The following HID1 variants were observed in gnomAD, a reference collection of about 807,000 sequenced individuals.
The protein encoded by HID1 is protein HID1.
Under a neutral mutation model 89.7 loss-of-function variants are expected in HID1, and 42 were observed. That is an observed-to-expected ratio of 0.47 (90% CI 0.37 to 0.61). The LOEUF (loss-of-function observed/expected upper bound fraction) is 0.61, where lower values mean the gene tolerates loss of function less well. HID1 is among the 20% of genes least tolerant of loss of function. The probability of loss-of-function intolerance (pLI) is 0.00; values close to 1 mark genes in which losing one functional copy is unlikely to be tolerated. For missense variants in HID1, 854 were observed against 1,039.3 expected (o/e 0.82, Z 2.45); for synonymous variants, 442 against 433.8 (o/e 1.02, Z -0.24).
chr17:74,954,245 T>C lies in HID1; in HGVS notation c.1757A>G (p.Glu586Gly). The part of the protein sequence containing the change: ...KALQRRRRTP[E>G]PLSRTGSQEG... ...CTGGGAGCCGGTGCGAGACAAGGGCTCAGGTGTCCGCCGGCGCCGCTGCAG... is the reference window on the plus strand; with the variant it reads ...CTGGGAGCCGGTGCGAGACAAGGGCCCAGGTGTCCGCCGGCGCCGCTGCAG... The change falls in exon 14 of 19, where the codon GAG becomes GGG. Residue 586 changes from glutamate to glycine, a missense_variant. By Grantham distance (98) the Glu-to-Gly change is moderately conservative (BLOSUM62 -2). Coordinates refer to ENST00000425042, the MANE Select transcript of HID1 (RefSeq NM_030630.3). 6.3e-7 allele frequency: 1 copy of C among 1,593,144 alleles called. No individual in the cohort carries two copies. The highest frequency in any genetic ancestry group is 8.5e-7 in the Non-Finnish European group (1 of 1,171,010).
At position 74,951,300 on chromosome 17, in the gene HID1, G is replaced by T; in HGVS notation, c.*270C>A. The T allele has an allele frequency of 1.8e-6, 1 of 545,646 alleles. No individual in the cohort carries two copies. Among genetic ancestry groups the T allele is most frequent in the Non-Finnish European group, 3.3e-6 (1 of 305,918 alleles). 33.8% of individuals were successfully genotyped at this position (545,646 alleles called of 1,614,324 possible). Reference sequence around the variant, plus strand: ...GGCCAGCACTGAGCCAGGTCTTAAAGAGGGAGTCCGAGTGTTGGGGGCAGT... The same window carrying T: ...GGCCAGCACTGAGCCAGGTCTTAAATAGGGAGTCCGAGTGTTGGGGGCAGT... On this transcript the variant is annotated 3_prime_UTR_variant, in exon 19 of 19. Transcript: ENST00000425042.
At chr17:74,965,532 C>A (rs919248418) in intron 1 of HID1, among the ~76,000 whole-genome samples, 2 of 152,234 alleles carry the variant, frequency 1.3e-5, no homozygotes, top group African/African-American at 2.4e-5. Context: ...CTTCTCTTGA[C>A]CTTCACCCAA....
Position 74,959,991 on chromosome 17 carries a change from C to T in HID1, c.951+35G>A. On this transcript the variant is annotated intron_variant, in intron 7 of 18. Coordinates refer to ENST00000425042, the MANE Select transcript of HID1 (RefSeq NM_030630.3). The surrounding 1 kb of genome is among the most constrained non-coding windows in gnomAD (Gnocchi z 4.6). ...AGGCGTCCTCCCCACAACCCGTGGCCCCGGCAGCTGTCCCTTCCATGCTCC... is the reference window on the plus strand; with the variant it reads ...AGGCGTCCTCCCCACAACCCGTGGCTCCGGCAGCTGTCCCTTCCATGCTCC... The T allele has an allele frequency of 6.2e-7, 1 of 1,613,252 alleles. No homozygotes were observed. Among genetic ancestry groups the T allele is most frequent in the Non-Finnish European group, 8.5e-7 (1 of 1,179,712 alleles).
In HID1 at chr17:74,962,150, A is replaced by G. The variant is rs569916246; in HGVS notation, c.611+84T>C. ...CATAGGTGAGGACGGTCTTCTGGGA[A>G]GACCCCATGGGCTTTCTGAGCTGTG... On this transcript the variant is annotated intron_variant, in intron 5 of 18. Transcript: ENST00000425042. This position sits in a 1 kb window ranked among gnomAD's most constrained non-coding sequence, Gnocchi z 4.3. 6 of 1,259,680 alleles carry G rather than the reference A, an allele frequency of 4.8e-6. No homozygotes were observed. In the African/African-American group the frequency reaches 6.0e-5, roughly 13 times the overall value. 78.0% of individuals were successfully genotyped at this position (1,259,680 alleles called of 1,614,324 possible).
chr17:74,969,897 G>A (rs959819817), intron 1 of HID1, among the ~76,000 whole-genome samples: 4 of 150,548 alleles, frequency 2.7e-5, no homozygotes, highest in African/African-American at 9.8e-5. Context: ...CACCACGCCT[G>A]GCCAAAATCA....
In HID1 at chr17:74,959,985, C is replaced by G. The variant is rs201869961; in HGVS notation, c.951+41G>C. On this transcript the variant is annotated intron_variant, in intron 7 of 18. Coordinates refer to ENST00000425042, the MANE Select transcript of HID1 (RefSeq NM_030630.3). This position sits in a 1 kb window ranked among gnomAD's most constrained non-coding sequence, Gnocchi z 4.6. ...GTGAGCAGGCGTCCTCCCCACAACCCGTGGCCCCGGCAGCTGTCCCTTCCA... is the reference window on the plus strand; with the variant it reads ...GTGAGCAGGCGTCCTCCCCACAACCGGTGGCCCCGGCAGCTGTCCCTTCCA... 6.2e-7 allele frequency: 1 copy of G among 1,613,328 alleles called. No homozygotes were observed. The highest frequency in any genetic ancestry group is 1.3e-5 in the African/African-American group (1 of 75,056).
Position 74,953,059 on chromosome 17 carries a change from G to A in HID1, c.1999C>T (p.Arg667Trp), listed in dbSNP as rs200387698. Residue 667 changes from arginine (R) to tryptophan (W), a missense_variant, in exon 16 of 19, where the codon CGG (arginine) becomes TGG (tryptophan). Transcript: ENST00000425042. ...CTGGCTGATGAGGTGGACGGTCGCC[G>A]CTGCTCCCTCCATGCCTGGCTGGGC... ...GEPSQAWREQ[R>W]RPSTSSASGQ... The A allele has an allele frequency of 1.7e-5, 27 of 1,608,050 alleles. No individual in the cohort carries two copies. The highest frequency in any genetic ancestry group is 4.5e-5 in the East Asian group (2 of 44,652).
In HID1 at chr17:74,972,394, T is replaced by C. The variant is rs1365513149; in HGVS notation, c.66+197A>G. Among the ~76,000 whole-genome samples, 1 of 151,888 alleles carries C rather than the reference T, an allele frequency of 6.6e-6. No individual in the cohort carries two copies. Among genetic ancestry groups the C allele is most frequent in the Non-Finnish European group, 1.5e-5 (1 of 67,952 alleles). ...GAGGGGTGTTCCCAGGAGAGGAGGC[T>C]GAGGGTGGGGGACTAGGGCCAGGGG... On this transcript the variant is annotated intron_variant, in intron 1 of 18. Coordinates refer to ENST00000425042, the MANE Select transcript of HID1 (RefSeq NM_030630.3). This position sits in a 1 kb window ranked among gnomAD's most constrained non-coding sequence, Gnocchi z 6.4.
Position 74,962,960 on chromosome 17 carries a change from C to T in HID1, c.504+5G>A. The T allele has an allele frequency of 3.1e-6, 5 of 1,603,152 alleles. No homozygotes were observed. The highest frequency in any genetic ancestry group is 4.3e-6 in the Non-Finnish European group (5 of 1,171,638). On this transcript the variant is annotated splice_donor_5th_base_variant and intron_variant, in intron 4 of 18. Transcript: ENST00000425042. This position sits in a 1 kb window ranked among gnomAD's most constrained non-coding sequence, Gnocchi z 4.3. ...CCTGGGGGTGGGGGGCTGGGGGACA[C>T]TCACCACAGTGCTCCTCCGGTGGCT...
chr17:74,953,882 C>T (rs1265194574), intron 14 of HID1, among the ~76,000 whole-genome samples: 1 of 152,094 alleles, frequency 6.6e-6, no homozygotes. Context: ...ATGCTAAGCC[C>T]ATCCAGTACC....
Position 74,952,394 on chromosome 17 carries a change from G to A in HID1, c.2053-34C>T, listed in dbSNP as rs915090461. The A allele has an allele frequency of 2.6e-6, 4 of 1,555,102 alleles. No individual in the cohort carries two copies. The African/African-American group carries it at 4.1e-5, about 16-fold the overall frequency. ...GGACGGGGTTCCTGGGGCTGAGAAA[G>A]CAGCCCCCGGAGGCTGCGGGGCAAG... On this transcript the variant is annotated intron_variant, in intron 16 of 18. Coordinates refer to ENST00000425042, the MANE Select transcript of HID1 (RefSeq NM_030630.3).
rs1413460667 is a variant in HID1, at chr17:74,954,372, G to A, written c.1637-7C>T. On this transcript the variant is annotated splice_region_variant and splice_polypyrimidine_tract_variant and intron_variant, in intron 13 of 18. Transcript: ENST00000425042. ...TAGACCAGGTTGGAGTTGCCTGTGG[G>A]CAGGGAGCATGCCTCGCCTCAGGGA... 6.4e-7 allele frequency: 1 copy of A among 1,558,460 alleles called. No individual in the cohort carries two copies. Among genetic ancestry groups the A allele is most frequent in the Non-Finnish European group, 8.7e-7 (1 of 1,151,384 alleles).
At chr17:74,963,550 C>A in intron 3 of HID1, 190 bp downstream of exon 3, 1 of 614,644 alleles carries the variant, frequency 1.6e-6, no homozygotes, top group South Asian at 2.0e-5. Context: ...GGCACAGAAA[C>A]CCCCATGGGA....
At chr17:74,968,513 A>G (rs1187653429) in intron 1 of HID1, among the ~76,000 whole-genome samples, 4 of 152,202 alleles carry the variant, frequency 2.6e-5, no homozygotes, top group African/African-American at 9.7e-5. Flanking sequence ...ACATGTGGCC[A>G]TGACTCTCAG....
At chr17:74,953,473 G>C in intron 15 of HID1, 72 bp downstream of exon 15, 2 of 1,281,374 alleles carry the variant, frequency 1.6e-6, no homozygotes, top group South Asian at 1.3e-5. Flanking sequence ...CCCCGGCCCA[G>C]CCCCTACTGC....
chr17:74,962,510 A>T lies in HID1; in HGVS notation c.505-170T>A, dbSNP rs1454281317. Among the ~76,000 whole-genome samples, 1 of 152,154 alleles carries T rather than the reference A, an allele frequency of 6.6e-6. No individual in the cohort carries two copies. The highest frequency in any genetic ancestry group is 1.5e-5 in the Non-Finnish European group (1 of 68,020). ...GCCCTCATGCACAAGAGCAGGAGTGAATATTCTTAGGCCTCTTGAAAGCTC... is the reference window on the plus strand; with the variant it reads ...GCCCTCATGCACAAGAGCAGGAGTGTATATTCTTAGGCCTCTTGAAAGCTC... On this transcript the variant is annotated intron_variant, in intron 4 of 18. Transcript: ENST00000425042. This position sits in a 1 kb window ranked among gnomAD's most constrained non-coding sequence, Gnocchi z 4.3.
chr17:74,959,803 G>A lies in HID1; in HGVS notation c.1008+78C>T, dbSNP rs2039450538. On this transcript the variant is annotated intron_variant, in intron 8 of 18. Transcript: ENST00000425042. This position sits in a 1 kb window ranked among gnomAD's most constrained non-coding sequence, Gnocchi z 4.6. ...ACAGAGAGCATGGTTCCTTCATGGAGGGGTCAGGATCCCCCATATCCCTGT... is the reference window on the plus strand; with the variant it reads ...ACAGAGAGCATGGTTCCTTCATGGAAGGGTCAGGATCCCCCATATCCCTGT... 2.1e-6 allele frequency: 3 copies of A among 1,442,444 alleles called. No individual in the cohort carries two copies. The highest frequency in any genetic ancestry group is 1.4e-5 in the African/African-American group (1 of 71,466). The allele number at this position is 1,442,444 out of a possible 1,614,324, so 89.4% of individuals were successfully genotyped here. A position where few individuals can be genotyped will look rare whatever the true frequency, so the allele number is the denominator to read the frequency against.
intron 18 of HID1, 115 bp from the exon 19 acceptor site, chr17:74,951,748 C>G: frequency 1.5e-6 from 2 of 1,361,840 alleles, no homozygotes; most frequent in South Asian, 1.3e-5. Flanking sequence ...ATGTCCCACC[C>G]TGGGCAGCGG....
In HID1 at chr17:74,962,211, C is replaced by G; in HGVS notation, c.611+23G>C. 1 of 1,580,488 alleles carries G rather than the reference C, an allele frequency of 6.3e-7. No homozygotes were observed. The highest frequency in any genetic ancestry group is 1.7e-5 in the Admixed American group (1 of 59,042). ...GCCCGGGGTCCAGCTGCATTGAGGG[C>G]TCCGGGCCTGGGCGAAGCTCACCGG... is the stretch of plus-strand genomic sequence containing the variant. On this transcript the variant is annotated intron_variant, in intron 5 of 18. Transcript: ENST00000425042. This position sits in a 1 kb window ranked among gnomAD's most constrained non-coding sequence, Gnocchi z 4.3.
Sources: allele counts gnomAD v4.1 joint callset (sites outside exome capture counted in the v4.1 genomes callset), GRCh38; gene constraint gnomAD v4.1.1; non-coding constraint Gnocchi (gnomAD v3.1); transcripts MANE v1.5; gene names NCBI Gene and HGNC (gene_info 2026-07-23, HGNC 2026-07-21).